The following CHL1 variants were observed in gnomAD, a reference collection of about 807,000 sequenced individuals.
CHL1 encodes neural cell adhesion molecule L1-like protein.
A neutral mutation model predicts 141.9 loss-of-function variants in CHL1; 96 were observed. That is an observed-to-expected ratio of 0.68 (90% CI 0.57 to 0.80). The LOEUF (loss-of-function observed/expected upper bound fraction) is 0.80. Ranked by LOEUF, CHL1 falls within the 30% of genes least tolerant of loss-of-function variation. The pLI is 0.00. For synonymous variants in CHL1, 613 were observed against 502.2 expected (o/e 1.22, Z -2.95); for missense variants, 1,820 against 1,457.2 (o/e 1.25, Z -4.05).
intron 7 of CHL1, among the ~76,000 whole-genome samples, chr3:342,442 A>G (rs578180532): frequency 1.2e-4 from 19 of 152,276 alleles, no homozygotes; most frequent in Admixed American, 5.2e-4. Flanking sequence ...AATGGGGGAG[A>G]AAACAACAGA....
At chr3:339,130 G>A (rs1702164495) in intron 5 of CHL1, among the ~76,000 whole-genome samples, 1 of 152,110 alleles carries the variant, frequency 6.6e-6, no homozygotes, top group Non-Finnish European at 1.5e-5. Flanking sequence ...CTACCCAACA[G>A]CACCACTGAC....
chr3:390,294 T>C (rs561554780), intron 20 of CHL1, among the ~76,000 whole-genome samples: 3 of 152,216 alleles, frequency 2.0e-5, no homozygotes, highest in African/African-American at 4.8e-5. Context: ...TATGAACCAA[T>C]TTAGGTAAGT....
chr3:316,793 T>A (rs552278566), intron 2 of CHL1, among the ~76,000 whole-genome samples: 18 of 152,038 alleles, frequency 1.2e-4, no homozygotes, highest in East Asian at 3.9e-4. Context: ...GTAAAAATTT[T>A]AAAAAAATTA....
At chr3:306,726 A>G (rs748450792) in intron 2 of CHL1, among the ~76,000 whole-genome samples, 15 of 151,952 alleles carry the variant, frequency 9.9e-5, no homozygotes, top group Non-Finnish European at 2.2e-4. Context: ...CAGTTATGAA[A>G]CAGTATAGAG....
intron 1 of CHL1, among the ~76,000 whole-genome samples, chr3:216,160 A>C (rs992657397): frequency 3.3e-5 from 5 of 152,240 alleles, no homozygotes; most frequent in African/African-American, 1.2e-4. Context: ...AAAACTAATC[A>C]GATAGTATTT....
intron 1 of CHL1, among the ~76,000 whole-genome samples, chr3:231,304 C>G (rs953690505): frequency 6.6e-6 from 1 of 151,848 alleles, no homozygotes; most frequent in East Asian, 1.9e-4. Context: ...TTCCTCCTTC[C>G]TCTCCTCTCT....
At chr3:221,326 A>C (rs1484607003) in intron 1 of CHL1, among the ~76,000 whole-genome samples, 1 of 152,168 alleles carries the variant, frequency 6.6e-6, no homozygotes. Context: ...ATTGACACTA[A>C]TCATCATTGT....
At chr3:221,771 A>T (rs949930791) in intron 1 of CHL1, among the ~76,000 whole-genome samples, 7 of 152,256 alleles carry the variant, frequency 4.6e-5, no homozygotes, top group African/African-American at 1.7e-4. Flanking sequence ...TCATTAATTT[A>T]GTATTAAGTT....
intron 19 of CHL1, 56 bp downstream of exon 19, chr3:383,942 T>C: frequency 8.4e-7 from 1 of 1,190,348 alleles, no homozygotes; most frequent in South Asian, 1.4e-5. Flanking sequence ...TCCTCTTAGG[T>C]CTGCATGCTA....
Position 361,705 on chromosome 3 carries a change from G to T in CHL1, c.1313G>T (p.Arg438Leu). The T allele has an allele frequency of 6.2e-7, 1 of 1,606,278 alleles. No homozygotes were observed. The highest frequency in any genetic ancestry group is 1.1e-5 in the South Asian group (1 of 90,844). Reference protein sequence around the residue: ...ANANIDVVDVRPLIQTKDGEN... With the variant: ...ANANIDVVDVLPLIQTKDGEN... ...TTATGTTATTTTCAAATAGATGTCC[G>T]TCCATTGATACAAACCAAAGATGGA... Residue 438 changes from arginine (R) to leucine (L), a missense_variant, in exon 13 of 28, where the codon CGT becomes CTT. Transcript: ENST00000256509.
At chr3:367,554 A>G (rs915389450) in intron 15 of CHL1, among the ~76,000 whole-genome samples, 2 of 152,254 alleles carry the variant, frequency 1.3e-5, no homozygotes, top group African/African-American at 4.8e-5. Flanking sequence ...AAACATTAAC[A>G]TACAGAGCAC....
At position 212,156 on chromosome 3, in the gene CHL1, A is replaced by G. The variant is rs189774670; in HGVS notation, c.-175+15093A>G. ...GTGGTAGAGGCTGGTGGTGAGAATG[A>G]GCTGAGAAGGGTGGTAATAAACTGA... On this transcript the variant is annotated intron_variant, in intron 1 of 27. Transcript: ENST00000256509. Among the ~76,000 whole-genome samples the G allele has an allele frequency of 1.6e-4, 24 of 152,304 alleles. No homozygotes were observed. In the East Asian group the frequency reaches 4.4e-3, roughly 28 times the overall value.
chr3:314,327 GTGTATATATATATATATATATA>G lies in CHL1; in HGVS notation c.-94-5354_-94-5333del, dbSNP rs1559240165. On this transcript the variant is annotated intron_variant, in intron 2 of 27. Coordinates refer to ENST00000256509, the MANE Select transcript of CHL1 (RefSeq NM_006614.4). ...TCTCTCTTTCTCTCTCTCTCTCTAT[GTGTATATATATATATATATATA>G]TATATATATATATATATATATCTGC... Among the ~76,000 whole-genome samples the G allele has an allele frequency of 2.8e-3, 157 of 57,024 alleles. 1 individual carries two copies. Among genetic ancestry groups the G allele is most frequent in the African/African-American group, 7.4e-3 (141 of 19,072 alleles). 37.4% of individuals were successfully genotyped at this position (57,024 alleles called of 152,430 possible).
Position 389,401 on chromosome 3 carries a change from C to T in CHL1, c.2397C>T (p.Val799=). Residue 799 remains valine, a synonymous_variant, in exon 20 of 28, where the codon GTC becomes GTT. Coordinates refer to ENST00000256509, the MANE Select transcript of CHL1 (RefSeq NM_006614.4). ...CTGCTGTCTATGCCCCTTATGATGT[C>T]AAGGTCCAGGCTATCAATCAACTAG... The part of the protein sequence containing the change: ...MTPAVYAPYD[V]KVQAINQLGS... The T allele has an allele frequency of 6.2e-7, 1 of 1,614,206 alleles. No homozygotes were observed. The highest frequency in any genetic ancestry group is 8.5e-7 in the Non-Finnish European group (1 of 1,180,026).
At chr3:228,754 A>G (rs138011183) in intron 1 of CHL1, among the ~76,000 whole-genome samples, 39 of 152,298 alleles carry the variant, frequency 2.6e-4, no homozygotes, top group Non-Finnish European at 2.9e-5. Flanking sequence ...GTGGCATCTT[A>G]TGTAGATTTC....
chr3:252,361 G>GATT (rs1553596098), intron 2 of CHL1, among the ~76,000 whole-genome samples: 3 of 54,274 alleles, frequency 5.5e-5, no homozygotes, highest in South Asian at 9.9e-4. Context: ...AAAGCATCCA[G>GATT]ATATATATAT....
chr3:206,607 G>A (rs981981577), intron 1 of CHL1, among the ~76,000 whole-genome samples: 19 of 151,784 alleles, frequency 1.3e-4, no homozygotes, highest in Non-Finnish European at 2.2e-4. Context: ...AGGTGTGGTC[G>A]GGCATGCCTA....
chr3:271,625 T>A (rs1375787839), intron 2 of CHL1, among the ~76,000 whole-genome samples: 1 of 152,220 alleles, frequency 6.6e-6, no homozygotes, highest in Non-Finnish European at 1.5e-5. Context: ...TTTGTAATTT[T>A]GAATGAACAT....
At position 408,923 on chromosome 3, in the gene CHL1, A is replaced by AT. The variant is rs1036397422; in HGVS notation, c.*3219dup. On this transcript the variant is annotated 3_prime_UTR_variant, in exon 28 of 28. Coordinates refer to ENST00000256509, the MANE Select transcript of CHL1 (RefSeq NM_006614.4). ...AATTATGCTGGAAGTCTCAAATAAT[A>AT]TTTTTTTCCTATTTTATACTCATGG... 1 of 152,110 alleles carries AT rather than the reference A, an allele frequency of 6.6e-6. No individual in the cohort carries two copies. The highest frequency in any genetic ancestry group is 6.6e-5 in the Admixed American group (1 of 15,254). The allele number at this position is 152,110 out of a possible 1,614,324, so 9.4% of individuals were successfully genotyped here.
Sources: allele counts gnomAD v4.1 joint callset (sites outside exome capture counted in the v4.1 genomes callset), GRCh38; gene constraint gnomAD v4.1.1; transcripts MANE v1.5; gene names NCBI Gene and HGNC (gene_info 2026-07-23, HGNC 2026-07-21).